The following NBAS variants were observed in gnomAD, a reference collection of about 807,000 sequenced individuals.
NBAS encodes NBAS subunit of NRZ tethering complex.
In NBAS, 219 loss-of-function variants were observed where a neutral mutation model predicts 302.5. The ratio of observed to expected loss-of-function variants is 0.72; its 90% CI spans 0.65 to 0.81. The LOEUF is 0.81. Ranked by LOEUF, NBAS falls within the 30% of genes least tolerant of loss-of-function variation. NBAS has a pLI of 0.00. For synonymous variants in NBAS, 1,118 were observed against 1,021.6 expected (o/e 1.09, Z -1.80); for missense variants, 2,932 against 2,841.6 (o/e 1.03, Z -0.72).
chr2:15,176,386 G>A (rs1664538577), intron 51 of NBAS, among the ~76,000 whole-genome samples: 1 of 152,108 alleles, frequency 6.6e-6, no homozygotes, highest in Non-Finnish European at 1.5e-5. Context: ...GACAGTATGA[G>A]AGATCCTTGT....
At chr2:14,969,525 C>T in the NBAS span, among the ~76,000 whole-genome samples, 4 of 151,958 alleles carry the variant, frequency 2.6e-5, no homozygotes, top group African/African-American at 4.8e-5. Context: ...TATAGGCACA[C>T]ACCACCATAC....
At chr2:15,522,471 G>A (rs1351699240) in intron 9 of NBAS, among the ~76,000 whole-genome samples, 1 of 152,184 alleles carries the variant, frequency 6.6e-6, no homozygotes, top group Non-Finnish European at 1.5e-5. Flanking sequence ...GTACTTGTGA[G>A]CTATCCAGGA....
At position 15,475,803 on chromosome 2, in the gene NBAS, C is replaced by T; in HGVS notation, c.1225G>A (p.Ala409Thr). ...GTTTTCACAGATGAAACAGTTAAAG[C>T]ACCAGAGCATCGAGCTAAAGTCACT... The part of the protein sequence containing the change: ...SAVTLARCSG[A>T]LTVSSVKTLK... Residue 409 changes from alanine (A) to threonine (T), a missense_variant, in exon 14 of 52, where the codon GCT becomes ACT. Coordinates refer to ENST00000281513, the MANE Select transcript of NBAS (RefSeq NM_015909.4). 2 of 1,614,062 alleles carry T rather than the reference C, an allele frequency of 1.2e-6. No homozygotes were observed. Among genetic ancestry groups the T allele is most frequent in the Non-Finnish European group, 1.7e-6 (2 of 1,179,974 alleles).
At chr2:15,086,227 A>G in the NBAS span, among the ~76,000 whole-genome samples, 16 of 152,258 alleles carry the variant, frequency 1.1e-4, no homozygotes, top group African/African-American at 3.8e-4. Flanking sequence ...AGTTGCAGAG[A>G]GGAGCAACCT....
chr2:15,491,596 C>T (rs1680857449), intron 11 of NBAS, among the ~76,000 whole-genome samples: 1 of 152,094 alleles, frequency 6.6e-6, no homozygotes, highest in South Asian at 2.1e-4. Context: ...ATTAGCCAGG[C>T]GTGGTGGTGG....
At chr2:15,512,377 G>A (rs1035292939) in intron 9 of NBAS, among the ~76,000 whole-genome samples, 6 of 152,122 alleles carry the variant, frequency 3.9e-5, no homozygotes, top group Admixed American at 6.6e-5. Context: ...ATGGTAGAAA[G>A]CAACACCTGC....
the NBAS span, among the ~76,000 whole-genome samples, chr2:15,013,819 G>T: frequency 2.0e-5 from 3 of 151,856 alleles, no homozygotes; most frequent in African/African-American, 4.8e-5. Context: ...AAAAATAAAA[G>T]ATATAGACAG....
the NBAS span, among the ~76,000 whole-genome samples, chr2:14,810,094 C>T: frequency 1.1e-4 from 17 of 152,192 alleles, no homozygotes; most frequent in Non-Finnish European, 2.1e-4. Flanking sequence ...ATTTTATAGG[C>T]TCATAGGCAG....
chr2:15,324,605 A>G (rs1314131737), intron 38 of NBAS, among the ~76,000 whole-genome samples: 2 of 152,122 alleles, frequency 1.3e-5, no homozygotes, highest in East Asian at 3.9e-4. Flanking sequence ...TTTGCCTATC[A>G]TAGCGCCTGT....
chr2:15,192,739 G>A (rs1182134155), intron 48 of NBAS, among the ~76,000 whole-genome samples: 1 of 152,126 alleles, frequency 6.6e-6, no homozygotes, highest in Non-Finnish European at 1.5e-5. Context: ...TGCTTAAGAA[G>A]TATCTAAAAT....
the NBAS span, among the ~76,000 whole-genome samples, chr2:14,934,966 T>C: frequency 6.6e-6 from 1 of 152,346 alleles, no homozygotes; most frequent in East Asian, 1.9e-4. Context: ...TAAGATTTTC[T>C]TTCTATCCCA....
At chr2:15,036,804 C>G in the NBAS span, among the ~76,000 whole-genome samples, 6 of 152,054 alleles carry the variant, frequency 3.9e-5, no homozygotes, top group Non-Finnish European at 7.4e-5. Flanking sequence ...AAATGCAGAC[C>G]TTGACTCTCA....
In NBAS at chr2:15,232,762, T is replaced by G. The variant is rs376783379; in HGVS notation, c.6147-251A>C. ...CTATCAAGAGAATAACACATTCTAC[T>G]TGCGCTGTGTCATTCGAAAAACATT... On this transcript the variant is annotated intron_variant, in intron 46 of 51. Coordinates refer to ENST00000281513, the MANE Select transcript of NBAS (RefSeq NM_015909.4). 2.0e-4 allele frequency among the ~76,000 whole-genome samples: 31 copies of G among 152,340 alleles called. 1 individual carries two copies. In the Middle Eastern group the frequency reaches 0.027, roughly 134 times the overall value.
chr2:15,002,430 A>G, the NBAS span, among the ~76,000 whole-genome samples: 13 of 147,560 alleles, frequency 8.8e-5, no homozygotes, highest in African/African-American at 3.5e-4. Context: ...CAGACTCAGG[A>G]GCCCAGCTGG....
At chr2:15,451,302 T>C (rs1224318127) in intron 21 of NBAS, among the ~76,000 whole-genome samples, 2 of 152,134 alleles carry the variant, frequency 1.3e-5, no homozygotes, top group Non-Finnish European at 2.9e-5. Flanking sequence ...CCTCCTGCCA[T>C]GGCCTCCCAA....
At position 15,553,410 on chromosome 2, in the gene NBAS, T is replaced by C. The variant is rs758888851; in HGVS notation, c.335+16A>G. The C allele has an allele frequency of 1.9e-6, 3 of 1,592,690 alleles. No homozygotes were observed. The highest frequency in any genetic ancestry group is 2.6e-6 in the Non-Finnish European group (3 of 1,160,780). ...TCTCAAAGGAAATCTTGAATATGAA[T>C]AATATTAACAATTACCTGATTTCCA... is the stretch of plus-strand genomic sequence containing the variant. On this transcript the variant is annotated intron_variant, in intron 5 of 51. Coordinates refer to ENST00000281513, the MANE Select transcript of NBAS (RefSeq NM_015909.4).
intron 33 of NBAS, among the ~76,000 whole-genome samples, chr2:15,354,069 C>G (rs1263277969): frequency 6.6e-6 from 1 of 152,180 alleles, no homozygotes; most frequent in African/African-American, 2.4e-5. Context: ...ACTTAGCACT[C>G]CTGTGAGAGC....
intron 13 of NBAS, 22 bp downstream of exon 13, chr2:15,478,204 T>G (rs748772206): frequency 6.7e-7 from 1 of 1,503,190 alleles, no homozygotes; most frequent in East Asian, 2.3e-5. Flanking sequence ...AGGTTTCAAT[T>G]ATCACATTTC....
At chr2:15,301,742 G>T (rs185426267) in intron 40 of NBAS, among the ~76,000 whole-genome samples, 1 of 152,246 alleles carries the variant, frequency 6.6e-6, no homozygotes, top group Non-Finnish European at 1.5e-5. Flanking sequence ...GCACATGGGG[G>T]AGGACCCAAT....
Sources: gnomAD v4.1 joint callset for allele counts (sites outside exome capture counted in the v4.1 genomes callset) on GRCh38, gnomAD v4.1.1 for gene constraint, MANE v1.5 for transcripts, NCBI Gene and HGNC (gene_info 2026-07-23, HGNC 2026-07-21) for gene names.